ITGA7: variants seen among roughly 807,000 people sequenced by gnomAD.
The protein encoded by ITGA7 is integrin alpha-7.
Under a neutral mutation model 131.6 loss-of-function variants are expected in ITGA7, and 84 were observed. The ratio of observed to expected loss-of-function variants is 0.64; its 90% CI spans 0.54 to 0.77. The LOEUF (loss-of-function observed/expected upper bound fraction) is 0.77, where lower values mean the gene tolerates loss of function less well. ITGA7 is among the 30% of genes least tolerant of loss of function. ITGA7 has a pLI of 0.00. For synonymous variants in ITGA7, 548 were observed against 600.7 expected, an observed-to-expected ratio of 0.91 and a Z score of 1.28; for missense variants, 1,399 against 1,482.9, an observed-to-expected ratio of 0.94 and a Z score of 0.93.
At chr12:55,712,412 C>T, upstream of ITGA7, 1 of 670,772 alleles carries the variant, frequency 1.5e-6, no homozygotes, top group Non-Finnish European at 2.7e-6. Flanking sequence ...ACTCTGTGTC[C>T]TCCCTCAGCC....
At chr12:55,700,853 A>C in intron 4 of ITGA7, 46 bp downstream of exon 4, 3 of 1,613,244 alleles carry the variant, frequency 1.9e-6, no homozygotes, top group Non-Finnish European at 2.5e-6. Context: ...CTCTGAGGTA[A>C]GAGGAGGTTT....
chr12:55,692,560 C>T (rs1487170707), intron 21 of ITGA7, among the ~76,000 whole-genome samples: 1 of 152,222 alleles, frequency 6.6e-6, no homozygotes, highest in East Asian at 1.9e-4. Flanking sequence ...CCCATCCCAT[C>T]ACGTATAAAA....
At position 55,688,894 on chromosome 12, in the gene ITGA7, C is replaced by G. The variant is rs767472988; in HGVS notation, c.2908G>C (p.Ala970Pro). The G allele has an allele frequency of 1.4e-5, 22 of 1,614,058 alleles. No individual in the cohort carries two copies. The highest frequency in any genetic ancestry group is 1.9e-5 in the Non-Finnish European group (22 of 1,180,004). Reference sequence around the variant, plus strand: ...CGGCCCCAGACATGCAGCACAGCCGCGCGGTCAAAGCTGTAGAGTGGGCAG... The same window carrying G: ...CGGCCCCAGACATGCAGCACAGCCGGGCGGTCAAAGCTGTAGAGTGGGCAG... ...FSCPLYSFDR[A>P]AVLHVWGRLW... Residue 970 changes from alanine (A) to proline (P), a missense_variant, in exon 22 of 25, where the codon GCG (alanine) becomes CCG (proline). Physicochemically the swap from Ala to Pro is conservative, Grantham distance 27. Transcript: ENST00000257879.
At chr12:55,702,791 C>T (rs1299854331) in intron 3 of ITGA7, 81 bp downstream of exon 3, 2 of 1,195,994 alleles carry the variant, frequency 1.7e-6, no homozygotes, top group African/African-American at 1.5e-5. Flanking sequence ...TCTCTAAGCA[C>T]ACCTATGCGT....
chr12:55,686,872 T>C lies in ITGA7; in HGVS notation c.3183+1099A>G, dbSNP rs137978307. On this transcript the variant is annotated intron_variant, in intron 24 of 24. Transcript: ENST00000257879. ...GTTGGCCTTCTTGGCCACATTTACCTTTCCAGTTTTCACTGCCACATTCTA... is the reference window on the plus strand; with the variant it reads ...GTTGGCCTTCTTGGCCACATTTACCCTTCCAGTTTTCACTGCCACATTCTA... Among the ~76,000 whole-genome samples the C allele has an allele frequency of 8.0e-3, 1,220 of 152,310 alleles. 15 individuals are homozygous for C. The highest frequency in any genetic ancestry group is 0.028 in the African/African-American group (1,169 of 41,564).
chr12:55,699,333 C>G (rs769181431), intron 5 of ITGA7, among the ~76,000 whole-genome samples: 2 of 152,260 alleles, frequency 1.3e-5, no homozygotes, highest in African/African-American at 4.8e-5. Context: ...GGCCCGAATC[C>G]CACCCAGTGC....
upstream of ITGA7, chr12:55,716,002 G>T (rs4457792): frequency 5.3e-6 from 8 of 1,501,112 alleles, no homozygotes; most frequent in African/African-American, 5.7e-5. Context: ...CTTCACCCAA[G>T]GTCTCAAGAG....
Position 55,694,235 on chromosome 12 carries a change from G to GC in ITGA7, c.2432+20dup. 1.2e-6 allele frequency: 2 copies of GC among 1,613,302 alleles called. No homozygotes were observed. The highest frequency in any genetic ancestry group is 1.1e-5 in the South Asian group (1 of 91,080). ...AATGCCCCCTCCCTCCAATGGAGGTGCCCCCTTGGGCCAGGCTCACCCTGC... is the reference window on the plus strand; with the variant it reads ...AATGCCCCCTCCCTCCAATGGAGGTGCCCCCCTTGGGCCAGGCTCACCCTGC... On this transcript the variant is annotated intron_variant, in intron 18 of 24. Coordinates refer to ENST00000257879, the MANE Select transcript of ITGA7 (RefSeq NM_002206.3). This position sits in a 1 kb window ranked among gnomAD's most constrained non-coding sequence, Gnocchi z 5.3.
intron 1 of ITGA7, among the ~76,000 whole-genome samples, chr12:55,704,744 C>T (rs983856827): frequency 4.6e-5 from 7 of 152,214 alleles, no homozygotes; most frequent in African/African-American, 1.7e-4. Flanking sequence ...ATGGGCCTAA[C>T]TCCAACACTT....
upstream of ITGA7, among the ~76,000 whole-genome samples, chr12:55,710,082 C>T (rs537951395): frequency 1.6e-4 from 24 of 152,236 alleles, no homozygotes; most frequent in African/African-American, 4.8e-4. Flanking sequence ...TAGACGGGGC[C>T]GGGCGCGGTG....
At chr12:55,704,090 T>C (rs574863535) in intron 1 of ITGA7, among the ~76,000 whole-genome samples, 1 of 151,766 alleles carries the variant, frequency 6.6e-6, no homozygotes, top group South Asian at 2.1e-4. Context: ...AAGGCGGGGG[T>C]GAGGTAAGAT....
upstream of ITGA7, among the ~76,000 whole-genome samples, chr12:55,714,517 C>CAAAAAAAAAAAAAAAAAA (rs35046301): frequency 1.7e-5 from 2 of 120,458 alleles, no homozygotes; most frequent in African/African-American, 8.3e-5. Flanking sequence ...GACTCCGTCT[C>CAAAAAAAAAAAAAAAAAA]AAAAAAAAAA....
In ITGA7 at chr12:55,703,095, C is replaced by T. The variant is rs1424098551; in HGVS notation, c.290G>A (p.Ser97Asn). Residue 97 changes from serine (S) to asparagine (N), a missense_variant, in exon 2 of 25, where the codon AGC becomes AAC. Physicochemically the swap from Ser to Asn is conservative, Grantham distance 46. Coordinates refer to ENST00000257879, the MANE Select transcript of ITGA7 (RefSeq NM_002206.3). ...TCTGTAGCAGTCAGTCTCCTCCAGGCTCAACGGGCAAGCGAAGAGGCCTCC... is the reference window on the plus strand; with the variant it reads ...TCTGTAGCAGTCAGTCTCCTCCAGGTTCAACGGGCAAGCGAAGAGGCCTCC... Reference protein sequence around the residue: ...RTGGLFACPLSLEETDCYRVD... With the variant: ...RTGGLFACPLNLEETDCYRVD... 3 of 1,614,106 alleles carry T rather than the reference C, an allele frequency of 1.9e-6. No homozygotes were observed. The highest frequency in any genetic ancestry group is 1.1e-5 in the South Asian group (1 of 91,090).
At position 55,707,622 on chromosome 12, in the gene ITGA7, A is replaced by G. The variant is rs778016788; in HGVS notation, c.61T>C (p.Ser21Pro). 1 of 1,610,766 alleles carries G rather than the reference A, an allele frequency of 6.2e-7. No homozygotes were observed. Among genetic ancestry groups the G allele is most frequent in the South Asian group, 1.1e-5 (1 of 90,528 alleles). ...GASGICYLFG[S>P]LLVELLFSRA... is the part of the protein sequence containing the mutation. ...GAGAAGAGCAGTTCGACGAGCAGGG[A>G]GCCAAAAAGGTAGCAAATCCCGGAG... Residue 21 changes from serine to proline, a missense_variant, in exon 1 of 25, where the codon TCC (serine) becomes CCC (proline). Coordinates refer to ENST00000257879, the MANE Select transcript of ITGA7 (RefSeq NM_002206.3).
At chr12:55,703,443 T>C (rs78579355) in intron 1 of ITGA7, among the ~76,000 whole-genome samples, 8 of 110,502 alleles carry the variant, frequency 7.2e-5, no homozygotes, top group Non-Finnish European at 9.8e-5. Flanking sequence ...CACACACACA[T>C]ACACGCCAAC....
chr12:55,698,113 A>G lies in ITGA7; in HGVS notation c.1193-87T>C, dbSNP rs1353249444. On this transcript the variant is annotated intron_variant, in intron 7 of 24. Transcript: ENST00000257879. ...CTCAACTCCCCCCAGTCACTCAGGTATGTTTTCTATTTTATTGAGAGGCTA... is the reference window on the plus strand; with the variant it reads ...CTCAACTCCCCCCAGTCACTCAGGTGTGTTTTCTATTTTATTGAGAGGCTA... 40 of 1,249,264 alleles carry G rather than the reference A, an allele frequency of 3.2e-5. 1 individual carries two copies. In the Middle Eastern group the frequency reaches 1.5e-3, roughly 46 times the overall value. The allele number at this position is 1,249,264 out of a possible 1,614,324, so 77.4% of individuals were successfully genotyped here. A position where few individuals can be genotyped will look rare whatever the true frequency, so the allele number is the denominator to read the frequency against.
chr12:55,702,690 A>G lies in ITGA7; in HGVS notation c.414+182T>C, dbSNP rs7970844. The G allele has an allele frequency of 0.56, 360,203 of 647,302 alleles. 105,962 individuals are homozygous for G. The highest frequency in any genetic ancestry group is 0.94 in the East Asian group (34,046 of 36,396). 40.1% of individuals were successfully genotyped at this position (647,302 alleles called of 1,614,324 possible). A position where few individuals can be genotyped will look rare whatever the true frequency, so the allele number is the denominator to read the frequency against. ...TGGATGGATGAATGAATGGACAGAC[A>G]TTTTTACATTTATAAGGACAAGGAC... is the stretch of plus-strand genomic sequence containing the variant. On this transcript the variant is annotated intron_variant, in intron 3 of 24. Coordinates refer to ENST00000257879, the MANE Select transcript of ITGA7 (RefSeq NM_002206.3).
Position 55,694,694 on chromosome 12 carries a change from T to C in ITGA7, c.2198A>G (p.Glu733Gly). 6.2e-7 allele frequency: 1 copy of C among 1,614,078 alleles called. No homozygotes were observed. The highest frequency in any genetic ancestry group is 8.5e-7 in the Non-Finnish European group (1 of 1,179,978). The stretch of plus-strand genomic sequence containing the variant: ...CTCATTGGACAGGCAGAGTGGCTTC[T>C]CCTGGAATGGGAGAGAAGGCAAGGT... ...YSGVRALDPA[E>G]KPLCLSNENA... Residue 733 changes from glutamate to glycine, a missense_variant and splice_region_variant, in exon 16 of 25, where the codon GAG becomes GGG. Coordinates refer to ENST00000257879, the MANE Select transcript of ITGA7 (RefSeq NM_002206.3). This position sits in a 1 kb window ranked among gnomAD's most constrained non-coding sequence, Gnocchi z 5.3.
At chr12:55,716,009 A>G (rs1876483348), upstream of ITGA7, 3 of 1,515,636 alleles carry the variant, frequency 2.0e-6, no homozygotes, top group Non-Finnish European at 2.6e-6. Context: ...CAAGGTCTCA[A>G]GAGGGCGGTT....
Sources: allele counts gnomAD v4.1 joint callset (sites outside exome capture counted in the v4.1 genomes callset), GRCh38; gene constraint gnomAD v4.1.1; non-coding constraint Gnocchi (gnomAD v3.1); transcripts MANE v1.5; gene names NCBI Gene and HGNC (gene_info 2026-07-23, HGNC 2026-07-21).